Variants in CSMD1 observed in about 807,000 individuals in gnomAD.
The protein encoded by CSMD1 is CUB and sushi domain-containing protein 1.
In CSMD1, 213 loss-of-function variants were observed where a neutral mutation model predicts 417.5. The ratio of observed to expected loss-of-function variants is 0.51; its 90% CI spans 0.46 to 0.57. The LOEUF (loss-of-function observed/expected upper bound fraction) is 0.57, where lower values mean the gene tolerates loss of function less well. Among genes scored for constraint, CSMD1 ranks in the 20% least tolerant of loss-of-function variants. CSMD1 has a pLI of 0.00. For synonymous variants in CSMD1, 2,862 were observed against 1,736.8 expected, an observed-to-expected ratio of 1.65 and a Z score of -16.11; for missense variants, 6,923 against 4,529.7, an observed-to-expected ratio of 1.53 and a Z score of -15.17.
intron 3 of CSMD1, among the ~76,000 whole-genome samples, chr8:4,154,321 G>C (rs10096187): frequency 0.32 from 48,944 of 152,122 alleles, 9,694 homozygotes; most frequent in Non-Finnish European, 0.43. Context: ...TATTTAAGTT[G>C]AAAGGATGTA....
chr8:3,079,403 ATGT>A (rs1813921775), intron 49 of CSMD1, among the ~76,000 whole-genome samples: 3 of 152,238 alleles, frequency 2.0e-5, no homozygotes, highest in African/African-American at 7.2e-5. Context: ...TCCTATTTAA[ATGT>A]AAGTTTCTAA....
At chr8:3,409,145 T>G (rs1341389715) in intron 13 of CSMD1, among the ~76,000 whole-genome samples, 2 of 152,218 alleles carry the variant, frequency 1.3e-5, no homozygotes, top group African/African-American at 2.4e-5. Context: ...TGGCTTTTGA[T>G]GGAAACAACG....
At chr8:3,478,463 A>G (rs1297255797) in intron 11 of CSMD1, among the ~76,000 whole-genome samples, 2 of 152,208 alleles carry the variant, frequency 1.3e-5, no homozygotes, top group Non-Finnish European at 2.9e-5. Context: ...AAACACAAAT[A>G]TCAGGCCTGA....
chr8:3,792,348 C>G (rs893133306), intron 5 of CSMD1, among the ~76,000 whole-genome samples: 12 of 152,090 alleles, frequency 7.9e-5, no homozygotes, highest in Non-Finnish European at 4.4e-5. Flanking sequence ...TCAATGAACA[C>G]CCACATGTAC....
chr8:2,997,050 C>T (rs1010986057), intron 54 of CSMD1, among the ~76,000 whole-genome samples: 3 of 152,206 alleles, frequency 2.0e-5, no homozygotes, highest in African/African-American at 4.8e-5. Context: ...TCGGCGGAGG[C>T]AGGGGCACTG....
chr8:4,456,057 A>T (rs439391), intron 2 of CSMD1, among the ~76,000 whole-genome samples: 1 of 65,218 alleles, frequency 1.5e-5, no homozygotes, highest in Non-Finnish European at 2.8e-5. Flanking sequence ...ACTATCATTG[A>T]CCAAAAAAAA....
chr8:3,630,406 C>T (rs538057421), intron 7 of CSMD1, among the ~76,000 whole-genome samples: 14 of 152,012 alleles, frequency 9.2e-5, no homozygotes, highest in African/African-American at 2.7e-4. Flanking sequence ...TTCAAAGATC[C>T]GAAAAAAGAT....
chr8:4,202,163 G>A (rs374880745), intron 3 of CSMD1, among the ~76,000 whole-genome samples: 36 of 152,006 alleles, frequency 2.4e-4, no homozygotes, highest in African/African-American at 8.7e-4. Context: ...CGGGTGGGAT[G>A]ACCAGCTGTG....
rs1040292016 is a variant in CSMD1 at position 2,970,619 on chromosome 8, A to G, written c.8923+2498T>C. ...TTAAATTTCAATTAAAATACTGCCG[A>G]TGAGTGATCTTTCAGCCTCTCTGTT... is the stretch of plus-strand genomic sequence containing the variant. On this transcript the variant is annotated intron_variant, in intron 57 of 69. Transcript: ENST00000635120. Among the ~76,000 whole-genome samples, 3 of 152,312 alleles carry G rather than the reference A, an allele frequency of 2.0e-5. No individual in the cohort carries two copies. In the South Asian group the frequency reaches 6.2e-4, roughly 32 times the overall value.
At chr8:3,651,118 T>C (rs1485538670) in intron 7 of CSMD1, among the ~76,000 whole-genome samples, 2 of 152,212 alleles carry the variant, frequency 1.3e-5, no homozygotes, top group African/African-American at 4.8e-5. Context: ...TCTGTCAGTA[T>C]CTTGTCTTGA....
At position 4,360,799 on chromosome 8, in the gene CSMD1, G is replaced by A. The variant is rs904809482; in HGVS notation, c.415+59154C>T. Reference sequence around the variant, plus strand: ...GTGAGCCACTGCACCCGGCCCCTCGGGGTTCGTAATCTCACAGTTCCTGAC... The same window carrying A: ...GTGAGCCACTGCACCCGGCCCCTCGAGGTTCGTAATCTCACAGTTCCTGAC... On this transcript the variant is annotated intron_variant, in intron 3 of 69. Transcript: ENST00000635120. 1.9e-4 allele frequency among the ~76,000 whole-genome samples: 29 copies of A among 151,460 alleles called. 1 individual carries two copies.
At position 2,949,395 on chromosome 8, in the gene CSMD1, T is replaced by A. The variant is rs539190756; in HGVS notation, c.10315-9A>T. On this transcript the variant is annotated splice_polypyrimidine_tract_variant and intron_variant, in intron 67 of 69. Transcript: ENST00000635120. Reference sequence around the variant, plus strand: ...TCAAGTCCAGATGACACCTGACACATAGGAAAGAAAAGAAAAGAAATAAAA... The same window carrying A: ...TCAAGTCCAGATGACACCTGACACAAAGGAAAGAAAAGAAAAGAAATAAAA... 5 of 729,272 alleles carry A rather than the reference T, an allele frequency of 6.9e-6. No homozygotes were observed. Among genetic ancestry groups the A allele is most frequent in the Non-Finnish European group, 1.0e-5 (5 of 496,558 alleles). The allele number at this position is 729,272 out of a possible 1,614,324, so 45.2% of individuals were successfully genotyped here.
chr8:3,516,073 C>T (rs937694205), intron 10 of CSMD1, among the ~76,000 whole-genome samples: 1 of 151,946 alleles, frequency 6.6e-6, no homozygotes, highest in Non-Finnish European at 1.5e-5. Context: ...AACTGGGAAA[C>T]TGGAGCTCAG....
intron 5 of CSMD1, among the ~76,000 whole-genome samples, chr8:3,971,787 C>A (rs914367125): frequency 6.6e-6 from 1 of 152,182 alleles, no homozygotes; most frequent in Non-Finnish European, 1.5e-5. Context: ...GTGTAGAGAA[C>A]AGAATTAAAT....
At chr8:4,262,436 C>G (rs994169234) in intron 3 of CSMD1, among the ~76,000 whole-genome samples, 6 of 152,218 alleles carry the variant, frequency 3.9e-5, no homozygotes, top group African/African-American at 1.4e-4. Context: ...AACATCCTTT[C>G]ATGTTCCCCG....
intron 2 of CSMD1, among the ~76,000 whole-genome samples, chr8:4,462,638 A>C (rs1799905055): frequency 6.6e-6 from 1 of 152,214 alleles, no homozygotes; most frequent in Non-Finnish European, 1.5e-5. Context: ...TGCATTAGAC[A>C]CATGGATTAA....
intron 1 of CSMD1, among the ~76,000 whole-genome samples, chr8:4,916,184 C>T (rs1002232787): frequency 6.6e-6 from 1 of 152,176 alleles, no homozygotes; most frequent in South Asian, 2.1e-4. Flanking sequence ...AGAGTCCTCT[C>T]CATGGGAGCA....
intron 2 of CSMD1, among the ~76,000 whole-genome samples, chr8:4,526,430 T>C (rs534741481): frequency 1.3e-5 from 2 of 152,322 alleles, no homozygotes; most frequent in South Asian, 4.1e-4. Context: ...AAATGCCTAG[T>C]ACTAAAAAAC....
chr8:4,700,887 C>T (rs1211342085), intron 1 of CSMD1, among the ~76,000 whole-genome samples: 5 of 152,096 alleles, frequency 3.3e-5, no homozygotes, highest in Admixed American at 6.6e-5. Context: ...GCTCCTGTTA[C>T]ATGGAGAACA....
Sources: gnomAD v4.1 joint callset for allele counts (sites outside exome capture counted in the v4.1 genomes callset) on GRCh38, gnomAD v4.1.1 for gene constraint, MANE v1.5 for transcripts, NCBI Gene and HGNC (gene_info 2026-07-23, HGNC 2026-07-21) for gene names.